Variants in RGS8 observed in about 807,000 individuals in gnomAD.
The protein encoded by RGS8 is regulator of G-protein signaling 8.
A neutral mutation model predicts 21.7 loss-of-function variants in RGS8; 8 were observed. That is an observed-to-expected ratio of 0.37 (90% CI 0.22 to 0.66). RGS8 has a LOEUF of 0.66. RGS8 is among the 30% of genes least tolerant of loss of function. The pLI, the probability that RGS8 is intolerant of heterozygous loss-of-function variation, is 0.59. For synonymous variants in RGS8, 80 were observed against 83.6 expected (o/e 0.96, Z 0.24); for missense variants, 157 against 217.9 (o/e 0.72, Z 1.76).
At chr1:182,709,961 C>T in the RGS8 span, among the ~76,000 whole-genome samples, 6 of 152,250 alleles carry the variant, frequency 3.9e-5, no homozygotes, top group South Asian at 1.2e-3. Flanking sequence ...TTCTCTGGGA[C>T]AGCGCTGTCA....
At chr1:182,721,302 T>G in the RGS8 span, among the ~76,000 whole-genome samples, 1 of 152,044 alleles carries the variant, frequency 6.6e-6, no homozygotes, top group South Asian at 2.1e-4. Flanking sequence ...CAAGTTGAAT[T>G]AAGCAAAAAC....
At chr1:182,702,162 G>A in the RGS8 span, among the ~76,000 whole-genome samples, 14 of 152,268 alleles carry the variant, frequency 9.2e-5, no homozygotes, top group South Asian at 1.7e-3. Flanking sequence ...CTCAACCCAG[G>A]TGCCCATCAA....
chr1:182,689,264 G>GACACACACAC (rs34000229), upstream of RGS8, among the ~76,000 whole-genome samples: 26 of 125,772 alleles, frequency 2.1e-4, 1 homozygote, highest in South Asian at 5.3e-4. Context: ...CACACACACA[G>GACACACACAC]ACACACACAC....
the RGS8 span, among the ~76,000 whole-genome samples, chr1:182,695,787 A>G: frequency 3.5e-4 from 53 of 152,358 alleles, no homozygotes; most frequent in East Asian, 6.7e-3. Context: ...CTCAGTCTTT[A>G]GAGAGGAGAG....
At chr1:182,715,957 G>T in the RGS8 span, among the ~76,000 whole-genome samples, 6 of 152,174 alleles carry the variant, frequency 3.9e-5, no homozygotes, top group South Asian at 1.2e-3. Flanking sequence ...AGGGGCATAG[G>T]TTCCCATAGT....
the RGS8 span, among the ~76,000 whole-genome samples, chr1:182,702,380 A>G: frequency 6.6e-6 from 1 of 152,190 alleles, no homozygotes; most frequent in African/African-American, 2.4e-5. Flanking sequence ...AAAGATGACT[A>G]GAGTAGGGAG....
chr1:182,724,217 T>G, the RGS8 span, among the ~76,000 whole-genome samples: 1 of 96,256 alleles, frequency 1.0e-5, no homozygotes, highest in African/African-American at 4.3e-5. Context: ...TATATATATA[T>G]ATATATATAT....
chr1:182,658,511 G>C lies in RGS8; in HGVS notation c.193+7458C>G, dbSNP rs374189750. 4 of 152,228 alleles carry C rather than the reference G, an allele frequency of 2.6e-5. No individual in the cohort carries two copies. In the East Asian group the frequency reaches 7.7e-4, roughly 29 times the overall value. The allele number at this position is 152,228 out of a possible 1,614,324, so 9.4% of individuals were successfully genotyped here. A position where few individuals can be genotyped will look rare whatever the true frequency, so the allele number is the denominator to read the frequency against. On this transcript the variant is annotated intron_variant, in intron 5 of 6. Transcript: ENST00000483095. ...AAATAAGCTGGTGAATGGGTTCCAA[G>C]ACCAGATAGAGGAAAAGAATGGAAA...
the RGS8 span, among the ~76,000 whole-genome samples, chr1:182,739,357 T>A: frequency 6.6e-6 from 1 of 152,104 alleles, no homozygotes; most frequent in Non-Finnish European, 1.5e-5. Flanking sequence ...CCCAACGCTG[T>A]CATCTGGGGA....
At chr1:182,687,361 A>G (rs1664734253), upstream of RGS8, among the ~76,000 whole-genome samples, 2 of 152,214 alleles carry the variant, frequency 1.3e-5, no homozygotes, top group Admixed American at 1.3e-4. Context: ...ACAACTTTCC[A>G]AAGATGCCAG....
the RGS8 span, among the ~76,000 whole-genome samples, chr1:182,725,518 G>A: frequency 5.3e-5 from 8 of 152,260 alleles, no homozygotes; most frequent in African/African-American, 1.7e-4. Flanking sequence ...AAGAACACAC[G>A]AGATGGGGAC....
intron 5 of RGS8, among the ~76,000 whole-genome samples, chr1:182,664,178 C>T (rs116534399): frequency 0.017 from 2,547 of 152,230 alleles, 80 homozygotes; most frequent in African/African-American, 0.058. Flanking sequence ...AATTTCACCA[C>T]CATAAACTCC....
the RGS8 span, among the ~76,000 whole-genome samples, chr1:182,701,584 G>A: frequency 6.6e-6 from 1 of 152,174 alleles, no homozygotes; most frequent in African/African-American, 2.4e-5. Flanking sequence ...AGGCACTACT[G>A]GGAGAAGTTA....
chr1:182,732,343 CT>C, the RGS8 span, among the ~76,000 whole-genome samples: 1 of 150,954 alleles, frequency 6.6e-6, no homozygotes, highest in African/African-American at 2.4e-5. Context: ...GCTCTGAATC[CT>C]TTTCTAGGCT....
the RGS8 span, among the ~76,000 whole-genome samples, chr1:182,749,791 T>A: frequency 2.6e-5 from 4 of 152,188 alleles, no homozygotes; most frequent in Non-Finnish European, 4.4e-5. Flanking sequence ...CACAGGTAAA[T>A]GTGTGCCATG....
chr1:182,747,041 G>GTATTTTTTTTTTTTTTT, the RGS8 span, among the ~76,000 whole-genome samples: 1 of 26,194 alleles, frequency 3.8e-5, no homozygotes, highest in Non-Finnish European at 1.1e-4. Flanking sequence ...AACACTGCTG[G>GTATTTTTTTTTTTTTTT]TCTTTTTTTT....
At chr1:182,717,337 T>C in the RGS8 span, among the ~76,000 whole-genome samples, 2 of 152,258 alleles carry the variant, frequency 1.3e-5, no homozygotes, top group Non-Finnish European at 2.9e-5. Context: ...AAGAGGCTCC[T>C]GGAACCATCA....
At chr1:182,646,226 C>T (rs1662696252) in exon 7 of RGS8, 1 of 152,742 alleles carries the variant, frequency 6.5e-6, no homozygotes, top group African/African-American at 2.4e-5. Context: ...GAACTAGAAA[C>T]CTGGAATTCC....
the RGS8 span, among the ~76,000 whole-genome samples, chr1:182,741,524 CG>C: frequency 7.7e-6 from 1 of 129,450 alleles, no homozygotes; most frequent in Non-Finnish European, 1.7e-5. Context: ...CCCTCCCGGA[CG>C]GGGCGGCTGG....
Sources: allele counts gnomAD v4.1 joint callset (sites outside exome capture counted in the v4.1 genomes callset), GRCh38; gene constraint gnomAD v4.1.1; transcripts MANE v1.5; gene names NCBI Gene and HGNC (gene_info 2026-07-23, HGNC 2026-07-21).